Variants in MAML3 observed in about 807,000 individuals in gnomAD.
The protein encoded by MAML3 is mastermind like transcriptional coactivator 3, also known as mastermind-like protein 3.
Under a neutral mutation model 101.9 loss-of-function variants are expected in MAML3, and 27 were observed. That is an observed-to-expected ratio of 0.27 (90% CI 0.20 to 0.37). MAML3 has a LOEUF of 0.37. Ranked by LOEUF, MAML3 falls within the 10% of genes least tolerant of loss-of-function variation. The pLI is 1.00. For missense variants in MAML3, 1,316 were observed against 1,444.9 expected (o/e 0.91, Z 1.45); for synonymous variants, 501 against 555.9 (o/e 0.90, Z 1.39).
chr4:139,880,198 A>G (rs988147832), intron 2 of MAML3, among the ~76,000 whole-genome samples: 1 of 152,020 alleles, frequency 6.6e-6, no homozygotes, highest in Non-Finnish European at 1.5e-5. Context: ...AAAACAAACA[A>G]AAAACCTCTT....
At chr4:139,991,004 C>T (rs1471240231) in intron 1 of MAML3, among the ~76,000 whole-genome samples, 3 of 152,168 alleles carry the variant, frequency 2.0e-5, no homozygotes, top group African/African-American at 4.8e-5. Context: ...TCAATGCCAT[C>T]CCCATCAAGC....
chr4:139,793,325 G>A (rs952982918), intron 2 of MAML3, among the ~76,000 whole-genome samples: 1 of 152,136 alleles, frequency 6.6e-6, no homozygotes, highest in African/African-American at 2.4e-5. Flanking sequence ...ATGCTAGTAT[G>A]CACTTTCTCC....
chr4:140,107,799 C>T (rs964886025), intron 1 of MAML3, among the ~76,000 whole-genome samples: 9 of 150,804 alleles, frequency 6.0e-5, no homozygotes, highest in African/African-American at 2.2e-4. Flanking sequence ...GCCACCATGC[C>T]CGACCAAAAA....
At chr4:139,954,022 AGTTCTGAGGTG>A (rs1375002683) in intron 1 of MAML3, among the ~76,000 whole-genome samples, 1 of 152,248 alleles carries the variant, frequency 6.6e-6, no homozygotes, top group Non-Finnish European at 1.5e-5. Context: ...CTAATTCAGT[AGTTCTGAGGTG>A]GAGCTCAGGA....
At chr4:139,944,259 A>T (rs1733664772) in intron 1 of MAML3, among the ~76,000 whole-genome samples, 1 of 152,056 alleles carries the variant, frequency 6.6e-6, no homozygotes, top group South Asian at 2.1e-4. Flanking sequence ...TACATGTGCC[A>T]TGCTGGTGCG....
At chr4:139,955,836 C>G (rs1422879871) in intron 1 of MAML3, among the ~76,000 whole-genome samples, 2 of 152,152 alleles carry the variant, frequency 1.3e-5, no homozygotes, top group African/African-American at 4.8e-5. Flanking sequence ...ATTCCCTTAC[C>G]AGGCTGCACC....
At chr4:139,968,519 C>T (rs1253747021) in intron 1 of MAML3, among the ~76,000 whole-genome samples, 1 of 152,044 alleles carries the variant, frequency 6.6e-6, no homozygotes, top group African/African-American at 2.4e-5. Flanking sequence ...CAAAACCATT[C>T]TTACAGTAAT....
chr4:139,973,503 C>T (rs116157267), intron 1 of MAML3, among the ~76,000 whole-genome samples: 2,956 of 152,196 alleles, frequency 0.019, 125 homozygotes, highest in African/African-American at 0.067. Flanking sequence ...AGGTTCTGGA[C>T]CACAGACTCT....
intron 1 of MAML3, among the ~76,000 whole-genome samples, chr4:139,913,883 C>G (rs1412679489): frequency 6.6e-6 from 1 of 152,204 alleles, no homozygotes; most frequent in Admixed American, 6.5e-5. Context: ...CCCACTTGCT[C>G]TCTGCCTTTA....
rs202144994 is a variant in MAML3, at chr4:139,890,337, C to T, written c.1099G>A (p.Ala367Thr). 1.6e-4 allele frequency: 251 copies of T among 1,608,276 alleles called. 1 individual carries two copies. The African/African-American group carries it at 3.0e-3, about 19-fold the overall frequency. The change falls in exon 2 of 5, where the codon GCA becomes ACA. Residue 367 changes from alanine (A) to threonine (T), a missense_variant. By Grantham distance (58) the Ala-to-Thr change is moderately conservative (BLOSUM62 0). Coordinates refer to ENST00000509479, the MANE Select transcript of MAML3 (RefSeq NM_018717.5). This position sits in a 1 kb window ranked among gnomAD's most constrained non-coding sequence, Gnocchi z 4.1. ...VKSDPSHSPF[A>T]HVSMGSPQAR... ...TGGGGAGATCCCATGGAGACATGTG[C>T]GAAGGGAGAGTGAGAGGGGTCGCTC...
intron 2 of MAML3, among the ~76,000 whole-genome samples, chr4:139,879,122 G>T (rs930156031): frequency 6.6e-6 from 1 of 152,182 alleles, no homozygotes; most frequent in African/African-American, 2.4e-5. Flanking sequence ...ATTTAGCAAT[G>T]AAATAAACAC....
Position 139,771,847 on chromosome 4 carries a change from C to T in MAML3, c.2080-41180G>A, listed in dbSNP as rs140155040. ...CTCTGGGATGGGGCCCGAGTATCTT[C>T]AATTGGAACAAGCTCACCAGGTGAT... On this transcript the variant is annotated intron_variant, in intron 2 of 4. Coordinates refer to ENST00000509479, the MANE Select transcript of MAML3 (RefSeq NM_018717.5). Among the ~76,000 whole-genome samples the T allele has an allele frequency of 3.4e-3, 520 of 151,474 alleles. 5 individuals are homozygous for T. The highest frequency in any genetic ancestry group is 0.012 in the African/African-American group (498 of 41,258).
In MAML3 at chr4:140,108,349, T is replaced by C. The variant is rs567938036; in HGVS notation, c.468+44511A>G. On this transcript the variant is annotated intron_variant, in intron 1 of 4. Transcript: ENST00000509479. ...TACATGTCTATTATGGCACTTAAGC[T>C]GCACTGTCGTCATTTAATGCTTCCC... Among the ~76,000 whole-genome samples the C allele has an allele frequency of 4.6e-5, 7 of 151,988 alleles. No individual in the cohort carries two copies. In the South Asian group the frequency reaches 1.5e-3, roughly 32 times the overall value.
chr4:139,904,117 A>G (rs1732774647), intron 1 of MAML3, among the ~76,000 whole-genome samples: 1 of 152,190 alleles, frequency 6.6e-6, no homozygotes, highest in Non-Finnish European at 1.5e-5. Flanking sequence ...ATTCTGGAGG[A>G]CTAACATTCA....
intron 1 of MAML3, among the ~76,000 whole-genome samples, chr4:139,971,658 G>C (rs929483753): frequency 6.6e-6 from 1 of 151,932 alleles, no homozygotes; most frequent in African/African-American, 2.4e-5. Flanking sequence ...TTTTCATATG[G>C]TAAATTCATT....
chr4:140,137,936 C>T (rs1349556190), intron 1 of MAML3, among the ~76,000 whole-genome samples: 4 of 152,238 alleles, frequency 2.6e-5, no homozygotes, highest in Admixed American at 2.6e-4. Flanking sequence ...CATTAAGCTC[C>T]TTTACTTGAA....
chr4:139,778,287 T>C (rs1424821217), intron 2 of MAML3, among the ~76,000 whole-genome samples: 2 of 152,212 alleles, frequency 1.3e-5, no homozygotes, highest in Middle Eastern at 3.2e-3. Context: ...ATTTTGGACT[T>C]AGAGATTCAC....
intron 1 of MAML3, among the ~76,000 whole-genome samples, chr4:139,980,108 AAGCCC>A (rs1409769239): frequency 6.6e-6 from 1 of 152,182 alleles, no homozygotes; most frequent in Non-Finnish European, 1.5e-5. Context: ...TCCAGAGGCC[AAGCCC>A]AGCCCGGACT....
chr4:140,007,004 T>C (rs537046583), intron 1 of MAML3, among the ~76,000 whole-genome samples: 2 of 152,240 alleles, frequency 1.3e-5, no homozygotes, highest in South Asian at 2.1e-4. Context: ...TAAGCTTTGG[T>C]GGTAAAATAG....
Sources: allele counts gnomAD v4.1 joint callset (sites outside exome capture counted in the v4.1 genomes callset), GRCh38; gene constraint gnomAD v4.1.1; non-coding constraint Gnocchi (gnomAD v3.1); transcripts MANE v1.5; gene names NCBI Gene and HGNC (gene_info 2026-07-23, HGNC 2026-07-21).